KAZN: variants seen among roughly 807,000 people sequenced by gnomAD.
KAZN encodes the protein kazrin, periplakin interacting protein.
In KAZN, 40 loss-of-function variants were observed where a neutral mutation model predicts 87.4. The ratio of observed to expected loss-of-function variants is 0.46; its 90% CI spans 0.36 to 0.60. The LOEUF is 0.60. KAZN is among the 20% of genes least tolerant of loss of function. The probability of loss-of-function intolerance (pLI) is 0.00; values close to 1 mark genes in which losing one functional copy is unlikely to be tolerated. For synonymous variants in KAZN, 466 were observed against 458.3 expected (o/e 1.02, Z -0.22); for missense variants, 898 against 1,073.9 (o/e 0.84, Z 2.29).
At chr1:15,103,297 C>T (rs549148187) in intron 11 of KAZN, 62 bp from the exon 12 acceptor site, 2 of 1,264,374 alleles carry the variant, frequency 1.6e-6, no homozygotes, top group African/African-American at 3.0e-5. Flanking sequence ...GGCACCCCCA[C>T]TCCACACGTG....
intron 1 of KAZN, among the ~76,000 whole-genome samples, chr1:13,950,732 A>T (rs72873309): frequency 0.027 from 4,131 of 152,240 alleles, 172 homozygotes; most frequent in African/African-American, 0.094. Flanking sequence ...CGAATACCCC[A>T]ACCTCATCAG....
intron 2 of KAZN, among the ~76,000 whole-genome samples, chr1:14,289,701 G>A (rs1421614081): frequency 6.6e-6 from 1 of 152,132 alleles, no homozygotes; most frequent in Non-Finnish European, 1.5e-5. Context: ...ATATTGTTAT[G>A]TGTGAGTTTG....
chr1:14,939,710 T>C (rs1660843004), intron 1 of KAZN, among the ~76,000 whole-genome samples: 1 of 152,174 alleles, frequency 6.6e-6, no homozygotes, highest in African/African-American at 2.4e-5. Flanking sequence ...GTTGGGATAT[T>C]GAGAGCCGTG....
At chr1:14,438,865 C>T (rs111299555) in intron 2 of KAZN, among the ~76,000 whole-genome samples, 21 of 152,216 alleles carry the variant, frequency 1.4e-4, no homozygotes, top group Non-Finnish European at 2.5e-4. Flanking sequence ...CAGTTTCCTC[C>T]GGTACCTGCT....
Position 14,858,554 on chromosome 1 carries a change from G to A in KAZN, c.227-102130G>A, listed in dbSNP as rs79608521. 6.8e-3 allele frequency among the ~76,000 whole-genome samples: 1,036 copies of A among 152,296 alleles called. 19 individuals carry two copies. Among genetic ancestry groups the A allele is most frequent in the Admixed American group, 0.034 (525 of 15,298 alleles). ...TTTATCCATTCATTAGCTGACAGAC[G>A]TTTGGGTCGTTTCCACCTTTTGGCT... On this transcript the variant is annotated intron_variant, in intron 1 of 14. Transcript: ENST00000376030.
At chr1:14,314,007 G>T (rs992812363) in intron 2 of KAZN, among the ~76,000 whole-genome samples, 2 of 152,138 alleles carry the variant, frequency 1.3e-5, no homozygotes, top group African/African-American at 4.8e-5. Flanking sequence ...ACTGGTAAGT[G>T]GGTGGCTGGG....
chr1:14,364,664 A>T (rs562839630), intron 2 of KAZN, among the ~76,000 whole-genome samples: 1 of 152,320 alleles, frequency 6.6e-6, no homozygotes, highest in African/African-American at 2.4e-5. Context: ...AATGTACCAC[A>T]AACTGGGTGA....
intron 1 of KAZN, among the ~76,000 whole-genome samples, chr1:14,906,873 G>A (rs899822971): frequency 1.3e-5 from 2 of 151,534 alleles, no homozygotes; most frequent in Non-Finnish European, 2.9e-5. Context: ...CCCGCTCCCC[G>A]CCTTGTTCCC....
chr1:13,917,978 T>C (rs891488629), intron 1 of KAZN, among the ~76,000 whole-genome samples: 3 of 152,174 alleles, frequency 2.0e-5, no homozygotes, highest in Non-Finnish European at 2.9e-5. Context: ...TTACTGCTCA[T>C]AGACAATGCA....
At chr1:14,774,254 G>C (rs1166712378) in intron 1 of KAZN, among the ~76,000 whole-genome samples, 1 of 151,960 alleles carries the variant, frequency 6.6e-6, no homozygotes, top group Non-Finnish European at 1.5e-5. Flanking sequence ...GACTTGGCAG[G>C]GTCGCCTCTG....
At chr1:14,593,252 G>C (rs1249537169) in intron 2 of KAZN, among the ~76,000 whole-genome samples, 1 of 152,172 alleles carries the variant, frequency 6.6e-6, no homozygotes, top group East Asian at 1.9e-4. Context: ...TGAGAGTAGC[G>C]AGAATATTTG....
intron 1 of KAZN, among the ~76,000 whole-genome samples, chr1:14,123,407 C>T (rs1357088365): frequency 6.6e-6 from 1 of 152,192 alleles, no homozygotes; most frequent in Non-Finnish European, 1.5e-5. Flanking sequence ...GCATCTTCTG[C>T]AGGACCATTC....
chr1:13,930,640 G>C (rs528797892), intron 1 of KAZN, among the ~76,000 whole-genome samples: 65 of 152,222 alleles, frequency 4.3e-4, no homozygotes, highest in African/African-American at 1.5e-3. Flanking sequence ...TTGGTTAATA[G>C]GCAGACAAAT....
At chr1:14,634,373 C>T (rs909654632) in intron 1 of KAZN, among the ~76,000 whole-genome samples, 45 of 152,138 alleles carry the variant, frequency 3.0e-4, no homozygotes, top group Admixed American at 7.2e-4. Context: ...ATTTCATAAC[C>T]GTACACGGAG....
chr1:14,597,586 T>C (rs950417452), upstream of KAZN, among the ~76,000 whole-genome samples: 8 of 151,964 alleles, frequency 5.3e-5, no homozygotes, highest in Non-Finnish European at 1.0e-4. Context: ...CTACACGCAG[T>C]TTTTGCTTGG....
intron 5 of KAZN, among the ~76,000 whole-genome samples, chr1:15,057,829 G>A (rs998945917): frequency 6.6e-6 from 1 of 152,224 alleles, no homozygotes; most frequent in African/African-American, 2.4e-5. Context: ...AAGGCAGACA[G>A]GGCTTGGGCA....
At chr1:14,174,503 C>T (rs1279126688) in intron 1 of KAZN, among the ~76,000 whole-genome samples, 1 of 152,090 alleles carries the variant, frequency 6.6e-6, no homozygotes, top group Non-Finnish European at 1.5e-5. Context: ...ACAAGGCAGG[C>T]TCTAAATGGC....
chr1:14,802,460 T>C (rs1467959617), intron 1 of KAZN, among the ~76,000 whole-genome samples: 3 of 149,924 alleles, frequency 2.0e-5, no homozygotes. Context: ...CACTGGGCAA[T>C]ACCTGGAGAT....
chr1:14,400,292 C>T (rs1244851047), intron 2 of KAZN, among the ~76,000 whole-genome samples: 5 of 152,152 alleles, frequency 3.3e-5, no homozygotes, highest in Non-Finnish European at 7.3e-5. Context: ...GGAGAAGTGC[C>T]ATCATCATGA....
Sources: allele counts gnomAD v4.1 joint callset (sites outside exome capture counted in the v4.1 genomes callset), GRCh38; gene constraint gnomAD v4.1.1; transcripts MANE v1.5; gene names NCBI Gene and HGNC (gene_info 2026-07-23, HGNC 2026-07-21).